The following IRAK1BP1 variants were observed in gnomAD, a reference collection of about 807,000 sequenced individuals.
The protein encoded by IRAK1BP1 is interleukin-1 receptor-associated kinase 1-binding protein 1.
In IRAK1BP1, 24 loss-of-function variants were observed where a neutral mutation model predicts 28.0. That is an observed-to-expected ratio of 0.86 (90% CI 0.62 to 1.20). The LOEUF (loss-of-function observed/expected upper bound fraction) is 1.20, where lower values mean the gene tolerates loss of function less well. Ranked by LOEUF, IRAK1BP1 falls within the 50% of genes most tolerant of loss-of-function variation. The pLI is 0.00. For missense variants in IRAK1BP1, 336 were observed against 316.7 expected (o/e 1.06, Z -0.46); for synonymous variants, 131 against 116.3 (o/e 1.13, Z -0.81).
At chr6:78,947,949 A>C, downstream of IRAK1BP1, among the ~76,000 whole-genome samples, 1 of 128,704 alleles carries the variant, frequency 7.8e-6, no homozygotes, top group Non-Finnish European at 1.8e-5. Context: ...TTTATTTCAT[A>C]CTCCCCCCCC....
At chr6:78,945,540 C>A (rs779126858) in exon 5 of IRAK1BP1, 5 of 1,218,716 alleles carry the variant, frequency 4.1e-6, no homozygotes, top group Non-Finnish European at 4.7e-6. Flanking sequence ...AGTTATTGAA[C>A]CTAAAGATAA....
chr6:78,871,235 TA>T lies in IRAK1BP1; in HGVS notation c.315+3348del, dbSNP rs921810292. The stretch of plus-strand genomic sequence containing the variant: ...TTTCTTCTCTCTCCAACTGTAGGCA[TA>T]AAATGACCTCACAATGTCTGGTCCT... On this transcript the variant is annotated intron_variant, in intron 1 of 3. Coordinates refer to ENST00000369940, the MANE Select transcript of IRAK1BP1 (RefSeq NM_001010844.4). 6.1e-6 allele frequency: 6 copies of T among 983,328 alleles called. No homozygotes were observed. In the African/African-American group the frequency reaches 1.0e-4, roughly 17 times the overall value. 60.9% of individuals were successfully genotyped at this position (983,328 alleles called of 1,614,324 possible).
chr6:78,931,626 T>C (rs1450198792), intron 4 of IRAK1BP1, among the ~76,000 whole-genome samples: 1 of 152,226 alleles, frequency 6.6e-6, no homozygotes, highest in Non-Finnish European at 1.5e-5. Flanking sequence ...TACCATACTG[T>C]TAGTCTGTTA....
intron 1 of IRAK1BP1, among the ~76,000 whole-genome samples, chr6:78,869,169 TAAC>T (rs936415571): frequency 3.3e-5 from 5 of 152,234 alleles, no homozygotes; most frequent in South Asian, 2.1e-4. Context: ...TGAATAATGT[TAAC>T]AAGTTTTTAA....
downstream of IRAK1BP1, among the ~76,000 whole-genome samples, chr6:78,949,303 T>C (rs536637997): frequency 6.6e-6 from 1 of 152,278 alleles, no homozygotes; most frequent in African/African-American, 2.4e-5. Context: ...GGGAAAAGAT[T>C]GCCCCTTCCT....
intron 2 of IRAK1BP1, among the ~76,000 whole-genome samples, chr6:78,896,969 G>T (rs767936290): frequency 2.1e-4 from 32 of 152,202 alleles, no homozygotes; most frequent in Non-Finnish European, 4.3e-4. Context: ...GGGTTCTTTA[G>T]AAGAAAAGGT....
At chr6:78,894,539 A>G (rs1771810770) in intron 2 of IRAK1BP1, among the ~76,000 whole-genome samples, 1 of 152,214 alleles carries the variant, frequency 6.6e-6, no homozygotes, top group African/African-American at 2.4e-5. Flanking sequence ...CTAAATATTT[A>G]TACATATAAT....
chr6:78,970,064 C>A, the IRAK1BP1 span: 1 of 1,613,528 alleles, frequency 6.2e-7, no homozygotes, highest in Non-Finnish European at 8.5e-7. Context: ...GGTAAATGAT[C>A]CGCCAGTCAG....
At chr6:78,933,643 T>C (rs1333639571) in intron 4 of IRAK1BP1, among the ~76,000 whole-genome samples, 1 of 150,694 alleles carries the variant, frequency 6.6e-6, no homozygotes, top group African/African-American at 2.4e-5. Context: ...AAAACCATCA[T>C]GAACCAACCT....
intron 4 of IRAK1BP1, chr6:78,941,034 T>G (rs1329609924): frequency 1.2e-6 from 2 of 1,614,040 alleles, no homozygotes; most frequent in South Asian, 1.1e-5. Flanking sequence ...CCACGATTCT[T>G]TTTCTGTAAC....
the IRAK1BP1 span, among the ~76,000 whole-genome samples, chr6:78,952,577 T>C: frequency 1.3e-5 from 2 of 152,096 alleles, no homozygotes; most frequent in South Asian, 2.1e-4. Flanking sequence ...CCACTACCTC[T>C]TACCCTCTCC....
chr6:78,899,469 C>G lies in IRAK1BP1; in HGVS notation c.*1135C>G, dbSNP rs2127655771. 1 of 152,214 alleles carries G rather than the reference C, an allele frequency of 6.6e-6. No homozygotes were observed. The highest frequency in any genetic ancestry group is 2.1e-4 in the South Asian group (1 of 4,826). The allele number at this position is 152,214 out of a possible 1,614,324, so 9.4% of individuals were successfully genotyped here. Reference sequence around the variant, plus strand: ...GTATAATAGGAAAATGTTTTGATGCCAAAAATAAAAGAGTTAATGTTTGGA... The same window carrying G: ...GTATAATAGGAAAATGTTTTGATGCGAAAAATAAAAGAGTTAATGTTTGGA... On this transcript the variant is annotated 3_prime_UTR_variant, in exon 4 of 4. Coordinates refer to ENST00000369940, the MANE Select transcript of IRAK1BP1 (RefSeq NM_001010844.4).
the IRAK1BP1 span, among the ~76,000 whole-genome samples, chr6:78,972,919 T>C: frequency 1.3e-5 from 2 of 152,108 alleles, no homozygotes; most frequent in Admixed American, 6.5e-5. Context: ...TACCTGAAAG[T>C]GATGGGGAGA....
At chr6:78,958,720 G>C in the IRAK1BP1 span, 7 of 668,636 alleles carry the variant, frequency 1.0e-5, no homozygotes, top group Non-Finnish European at 1.9e-5. Flanking sequence ...AAAAACCATT[G>C]GTCTTATAAA....
At chr6:78,931,493 T>G (rs534703970) in intron 4 of IRAK1BP1, among the ~76,000 whole-genome samples, 23 of 152,202 alleles carry the variant, frequency 1.5e-4, no homozygotes, top group African/African-American at 5.5e-4. Context: ...ATCACAAACT[T>G]TAGTACAGGT....
chr6:78,867,623 TTCCCTGGGCTG>T lies in IRAK1BP1; in HGVS notation c.48_58del (p.Trp18GlufsTer45). The T allele has an allele frequency of 6.2e-7, 1 of 1,614,182 alleles. No homozygotes were observed. The highest frequency in any genetic ancestry group is 1.1e-5 in the South Asian group (1 of 91,084). On this transcript the variant is annotated frameshift_variant, in exon 1 of 4. Transcript: ENST00000369940. LOFTEE classifies it high-confidence loss of function. ...CCGACCCGAGTGTTCGTGGAACTGG[TTCCCTGGGCTG>T]ACCGGAGCCGGGAGAACAACCTGGC...
chr6:78,973,983 C>G, the IRAK1BP1 span, among the ~76,000 whole-genome samples: 98 of 152,250 alleles, frequency 6.4e-4, 1 homozygote, highest in South Asian at 7.9e-3. Context: ...AGAAAGTTAA[C>G]AAGGATACCC....
At chr6:78,918,248 G>A (rs1388123913) in intron 4 of IRAK1BP1, among the ~76,000 whole-genome samples, 4 of 152,088 alleles carry the variant, frequency 2.6e-5, no homozygotes, top group African/African-American at 9.7e-5. Context: ...AGTGAGCCAT[G>A]ATTATGCCAC....
chr6:78,946,893 A>G (rs779850457), downstream of IRAK1BP1: 21 of 1,514,464 alleles, frequency 1.4e-5, 1 homozygote, highest in Non-Finnish European at 4.4e-6. Context: ...GAAAAAAAAA[A>G]GTGTTCAACC....
Sources: allele counts gnomAD v4.1 joint callset (sites outside exome capture counted in the v4.1 genomes callset), GRCh38; gene constraint gnomAD v4.1.1; transcripts MANE v1.5; gene names NCBI Gene and HGNC (gene_info 2026-07-23, HGNC 2026-07-21).